ATP6V0A4: variants seen among roughly 807,000 people sequenced by gnomAD.
The protein encoded by ATP6V0A4 is V-type proton ATPase 116 kDa subunit a 4.
ATP6V0A4 carries 86 observed loss-of-function variants against 107.3 expected under a neutral mutation model. The ratio of observed to expected loss-of-function variants is 0.80; its 90% CI spans 0.67 to 0.96. The LOEUF is 0.96. Ranked by LOEUF, ATP6V0A4 falls within the 40% of genes least tolerant of loss-of-function variation. The pLI is 0.00. For synonymous variants in ATP6V0A4, 353 were observed against 381.4 expected (o/e 0.93, Z 0.87); for missense variants, 908 against 1,045.6 (o/e 0.87, Z 1.81).
At chr7:138,721,814 A>AT in intron 19 of ATP6V0A4, 83 bp downstream of exon 19, 1 of 1,544,278 alleles carries the variant, frequency 6.5e-7, no homozygotes, top group Non-Finnish European at 8.9e-7. Flanking sequence ...GGCCCTCCAG[A>AT]CCCACCCAGC....
intron 1 of ATP6V0A4, among the ~76,000 whole-genome samples, chr7:138,786,467 T>C (rs971088988): frequency 1.3e-5 from 2 of 151,638 alleles, no homozygotes; most frequent in Middle Eastern, 3.4e-3. Context: ...TAGTCCCAGC[T>C]ACTCAGGAGG....
chr7:138,746,490 A>G (rs987052338), intron 13 of ATP6V0A4, among the ~76,000 whole-genome samples: 2 of 151,748 alleles, frequency 1.3e-5, no homozygotes, highest in Admixed American at 1.3e-4. Flanking sequence ...TTCAACCTGT[A>G]ATAAAACATT....
At chr7:138,779,424 C>A (rs1807825186) in intron 2 of ATP6V0A4, among the ~76,000 whole-genome samples, 1 of 152,074 alleles carries the variant, frequency 6.6e-6, no homozygotes, top group South Asian at 2.1e-4. Context: ...GTCTTCTTTA[C>A]TCAGTCTACC....
chr7:138,766,725 G>C (rs1328116965), intron 5 of ATP6V0A4, among the ~76,000 whole-genome samples: 1 of 152,000 alleles, frequency 6.6e-6, no homozygotes, highest in Non-Finnish European at 1.5e-5. Flanking sequence ...GTGTGCCTTG[G>C]CATGGTTGAA....
rs1584926856 is a variant in ATP6V0A4 at position 138,752,750 on chromosome 7, T to C, written c.904A>G (p.Met302Val). 1 of 1,614,176 alleles carries C rather than the reference T, an allele frequency of 6.2e-7. No homozygotes were observed. Among genetic ancestry groups the C allele is most frequent in the East Asian group, 2.2e-5 (1 of 44,874 alleles). Residue 302 changes from methionine to valine, a missense_variant, in exon 11 of 22, where the codon ATG (methionine) becomes GTG (valine). Coordinates refer to ENST00000310018, the MANE Select transcript of ATP6V0A4 (RefSeq NM_020632.3). The part of the protein sequence containing the change: ...WHSWLIKVQK[M>V]KAVYHILNMC... ...TTCAGGATGTGGTAGACAGCTTTCA[T>C]CTTCTGCACCTTGATGAGCCAGGAG...
At chr7:138,778,474 G>T (rs187890571) in intron 2 of ATP6V0A4, among the ~76,000 whole-genome samples, 2 of 151,504 alleles carry the variant, frequency 1.3e-5, no homozygotes, top group African/African-American at 2.4e-5. Flanking sequence ...ATCTGAAAAA[G>T]TCTGAAATCT....
intron 1 of ATP6V0A4, among the ~76,000 whole-genome samples, chr7:138,789,884 A>G (rs13238921): frequency 0.13 from 10,908 of 86,796 alleles, no homozygotes; most frequent in African/African-American, 0.14. Context: ...CACTAGAATC[A>G]CTTGAACCCG....
At chr7:138,718,244 A>C (rs1417133917) in intron 19 of ATP6V0A4, among the ~76,000 whole-genome samples, 1 of 44,120 alleles carries the variant, frequency 2.3e-5, no homozygotes, top group Non-Finnish European at 3.9e-5. Context: ...GCAGTTATGG[A>C]TGTCTGCGGA....
chr7:138,786,564 G>C (rs1277432278), intron 1 of ATP6V0A4, among the ~76,000 whole-genome samples: 2 of 145,768 alleles, frequency 1.4e-5, no homozygotes, highest in Admixed American at 7.2e-5. Flanking sequence ...GGGTGACAGA[G>C]TGAGACCTTG....
In ATP6V0A4 at chr7:138,737,583, T is replaced by TC. The variant is rs1203192977; in HGVS notation, c.1572+1956_1572+1957insG. 9.7e-5 allele frequency among the ~76,000 whole-genome samples: 14 copies of TC among 144,662 alleles called. 1 individual carries two copies. The highest frequency in any genetic ancestry group is 1.1e-4 in the Non-Finnish European group (7 of 65,830). 94.9% of individuals were successfully genotyped at this position (144,662 alleles called of 152,430 possible). A position where few individuals can be genotyped will look rare whatever the true frequency, so the allele number is the denominator to read the frequency against. On this transcript the variant is annotated intron_variant, in intron 15 of 21. Transcript: ENST00000310018. Reference sequence around the variant, plus strand: ...GCAACTCCCGCTTTTCTTTTTCTTTTTTTTTTTTTTTTTTTTTGAGAAGAG... The same window carrying TC: ...GCAACTCCCGCTTTTCTTTTTCTTTTCTTTTTTTTTTTTTTTTTGAGAAGAG...
At chr7:138,769,112 A>G in intron 4 of ATP6V0A4, 61 bp downstream of exon 4, 1 of 1,600,446 alleles carries the variant, frequency 6.2e-7, no homozygotes, top group Non-Finnish European at 8.5e-7. Flanking sequence ...CCTGCAAACT[A>G]TTAACCCCCT....
intron 1 of ATP6V0A4, among the ~76,000 whole-genome samples, chr7:138,792,031 A>G (rs1808434470): frequency 6.6e-6 from 1 of 152,162 alleles, no homozygotes. Flanking sequence ...TGGATAGGCC[A>G]GGTGTGGTGG....
intron 15 of ATP6V0A4, among the ~76,000 whole-genome samples, chr7:138,734,936 G>A (rs556938346): frequency 6.6e-6 from 1 of 152,196 alleles, no homozygotes; most frequent in South Asian, 2.1e-4. Context: ...AAAGTCTGTA[G>A]TGCTTCGCAT....
At chr7:138,792,574 CT>C (rs989249586) in intron 1 of ATP6V0A4, among the ~76,000 whole-genome samples, 2 of 151,994 alleles carry the variant, frequency 1.3e-5, no homozygotes, top group African/African-American at 4.8e-5. Context: ...GTAGAGAGCA[CT>C]TGGTAAGCTG....
intron 2 of ATP6V0A4, among the ~76,000 whole-genome samples, chr7:138,781,661 C>A (rs1439660477): frequency 1.3e-5 from 2 of 151,336 alleles, no homozygotes; most frequent in African/African-American, 4.9e-5. Context: ...GCAATGAAGT[C>A]ATCTGTGAAT....
intron 1 of ATP6V0A4, among the ~76,000 whole-genome samples, chr7:138,796,588 A>T (rs548603486): frequency 6.7e-6 from 1 of 149,426 alleles, no homozygotes; most frequent in African/African-American, 2.4e-5. Flanking sequence ...TATTCCTTTG[A>T]CTTGAAAAGC....
In ATP6V0A4 at chr7:138,752,760, C is replaced by T. The variant is rs200264213; in HGVS notation, c.894G>A (p.Lys298=). 36 of 1,614,082 alleles carry T rather than the reference C, an allele frequency of 2.2e-5. No individual in the cohort carries two copies. The highest frequency in any genetic ancestry group is 2.2e-5 in the East Asian group (1 of 44,894). ...AAANWHSWLI[K]VQKMKAVYHI... is the part of the protein sequence containing the mutation. ...GGTAGACAGCTTTCATCTTCTGCAC[C>T]TTGATGAGCCAGGAGTGCCAGTTGG... is the stretch of plus-strand genomic sequence containing the variant. The change falls in exon 11 of 22, where the codon AAG becomes AAA. Residue 298 remains lysine, a synonymous_variant. Transcript: ENST00000310018.
chr7:138,720,305 C>T (rs770974841), intron 19 of ATP6V0A4, among the ~76,000 whole-genome samples: 1 of 152,050 alleles, frequency 6.6e-6, no homozygotes, highest in African/African-American at 2.4e-5. Context: ...TGCCTGGAGA[C>T]GGGAGACCCA....
At position 138,742,078 on chromosome 7, in the gene ATP6V0A4, G is replaced by C. The variant is rs552740613; in HGVS notation, c.1479-2445C>G. Among the ~76,000 whole-genome samples, 7 of 152,282 alleles carry C rather than the reference G, an allele frequency of 4.6e-5. No individual in the cohort carries two copies. In the South Asian group the frequency reaches 1.5e-3, roughly 32 times the overall value. On this transcript the variant is annotated intron_variant, in intron 14 of 21. Transcript: ENST00000310018. ...GGCCTTTCACAATCATACTCTATGG[G>C]AAATGGAATTTCATGTTGGTAGGCT...
Sources: gnomAD v4.1 joint callset for allele counts (sites outside exome capture counted in the v4.1 genomes callset) on GRCh38, gnomAD v4.1.1 for gene constraint, MANE v1.5 for transcripts, NCBI Gene and HGNC (gene_info 2026-07-23, HGNC 2026-07-21) for gene names.